FANCC: variants seen among roughly 807,000 people sequenced by gnomAD.
FANCC encodes the protein FA complementation group C.
FANCC carries 55 observed loss-of-function variants against 71.3 expected under a neutral mutation model. The observed-to-expected ratio is 0.77, with a 90% confidence interval of 0.62 to 0.97. The LOEUF is 0.97. Among genes scored for constraint, FANCC ranks in the 50% least tolerant of loss-of-function variants. FANCC has a pLI of 0.00. For synonymous variants in FANCC, 275 were observed against 244.9 expected (o/e 1.12, Z -1.15); for missense variants, 678 against 670.9 (o/e 1.01, Z -0.12).
intron 1 of FANCC, among the ~76,000 whole-genome samples, chr9:95,310,238 A>G (rs1386552224): frequency 6.6e-6 from 1 of 152,114 alleles, no homozygotes; most frequent in Non-Finnish European, 1.5e-5. Flanking sequence ...ATTGTGGTGC[A>G]TACCTGTAGT....
intron 7 of FANCC, among the ~76,000 whole-genome samples, chr9:95,140,662 G>A (rs2135276722): frequency 6.6e-6 from 1 of 152,262 alleles, no homozygotes; most frequent in Non-Finnish European, 1.5e-5. Context: ...AAACCAGAAA[G>A]AGATCAAGGC....
chr9:95,170,679 T>TGTGTGTGTGTGTGG (rs1554842441), intron 6 of FANCC, among the ~76,000 whole-genome samples: 1 of 144,656 alleles, frequency 6.9e-6, no homozygotes, highest in Non-Finnish European at 1.5e-5. Flanking sequence ...TGTGTGTGTG[T>TGTGTGTGTGTGTGG]TGGGAGCAGA....
At chr9:95,309,105 TTC>T (rs1356586258) in intron 1 of FANCC, among the ~76,000 whole-genome samples, 19 of 152,348 alleles carry the variant, frequency 1.2e-4, no homozygotes, top group East Asian at 5.8e-4. Context: ...ATAAAAATAT[TTC>T]TGTTACTCCT....
At chr9:95,184,642 G>C (rs1473524010) in intron 4 of FANCC, among the ~76,000 whole-genome samples, 1 of 152,186 alleles carries the variant, frequency 6.6e-6, no homozygotes, top group Non-Finnish European at 1.5e-5. Context: ...TGCAGTACCA[G>C]TAACAATTCC....
In FANCC at chr9:95,172,470, T is replaced by C. The variant is rs56292922; in HGVS notation, c.346-323A>G. Among the ~76,000 whole-genome samples the C allele has an allele frequency of 6.3e-3, 955 of 152,314 alleles. 8 individuals are homozygous for C. The highest frequency in any genetic ancestry group is 0.021 in the African/African-American group (893 of 41,572). ...AGTAAAATATGTTTAACAGAGATGA[T>C]AATTTTTCTTTGCTTTTTTTTTGAG... On this transcript the variant is annotated intron_variant, in intron 4 of 14. Transcript: ENST00000289081.
chr9:95,275,680 C>T (rs922518203), intron 1 of FANCC, among the ~76,000 whole-genome samples: 1 of 152,060 alleles, frequency 6.6e-6, no homozygotes, highest in East Asian at 1.9e-4. Context: ...TTAAAATCAA[C>T]GACAACTACA....
At position 95,306,171 on chromosome 9, in the gene FANCC, C is replaced by T. The variant is rs531260472; in HGVS notation, c.-79+11355G>A. Among the ~76,000 whole-genome samples, 8 of 152,244 alleles carry T rather than the reference C, an allele frequency of 5.3e-5. No individual in the cohort carries two copies. The South Asian group carries it at 1.7e-3, about 32-fold the overall frequency. ...ATTGTACAATAAATGCATCAAGGAC[C>T]TTCAGAAGTTTTATGGTATTGGTTA... On this transcript the variant is annotated intron_variant, in intron 1 of 14. Coordinates refer to ENST00000289081, the MANE Select transcript of FANCC (RefSeq NM_000136.3).
intron 4 of FANCC, among the ~76,000 whole-genome samples, chr9:95,238,408 CCTT>C (rs1194181131): frequency 2.6e-5 from 4 of 152,098 alleles, no homozygotes; most frequent in Non-Finnish European, 4.4e-5. Flanking sequence ...AATCGGGCCC[CCTT>C]CTCCATTTCT....
intron 4 of FANCC, among the ~76,000 whole-genome samples, chr9:95,237,914 G>A (rs1010728785): frequency 6.6e-6 from 1 of 152,174 alleles, no homozygotes; most frequent in Non-Finnish European, 1.5e-5. Context: ...TGAATTAGGT[G>A]AAATATCTTC....
chr9:95,300,958 G>A (rs893196787), intron 1 of FANCC, among the ~76,000 whole-genome samples: 1 of 152,126 alleles, frequency 6.6e-6, no homozygotes, highest in Non-Finnish European at 1.5e-5. Flanking sequence ...AAATAAGACA[G>A]GGGAGGATGA....
At chr9:95,308,751 G>T (rs956757178) in intron 1 of FANCC, among the ~76,000 whole-genome samples, 2 of 152,198 alleles carry the variant, frequency 1.3e-5, no homozygotes, top group African/African-American at 2.4e-5. Context: ...CAGCACACAC[G>T]TGTAGAACTA....
chr9:95,103,077 G>A (rs1339148563), intron 14 of FANCC, among the ~76,000 whole-genome samples: 1 of 152,122 alleles, frequency 6.6e-6, no homozygotes, highest in East Asian at 1.9e-4. Context: ...CCTTCATCAA[G>A]GAAACAATGT....
At chr9:95,299,170 G>A (rs1834573801) in intron 1 of FANCC, among the ~76,000 whole-genome samples, 1 of 152,166 alleles carries the variant, frequency 6.6e-6, no homozygotes, top group African/African-American at 2.4e-5. Flanking sequence ...GTGCAGAACC[G>A]AGGTCAATTA....
chr9:95,220,549 T>A (rs989254718), intron 4 of FANCC, among the ~76,000 whole-genome samples: 2 of 152,244 alleles, frequency 1.3e-5, no homozygotes, highest in African/African-American at 4.8e-5. Context: ...TACAAAAGGA[T>A]GTGTTCATGT....
At chr9:95,135,863 G>A (rs1301853361) in intron 7 of FANCC, among the ~76,000 whole-genome samples, 1 of 152,174 alleles carries the variant, frequency 6.6e-6, no homozygotes, top group Non-Finnish European at 1.5e-5. Context: ...TCAAACACGC[G>A]TAATCATGCC....
chr9:95,297,760 C>T (rs1834471762), intron 1 of FANCC, among the ~76,000 whole-genome samples: 1 of 152,126 alleles, frequency 6.6e-6, no homozygotes, highest in Admixed American at 6.5e-5. Flanking sequence ...GGAAGAGGGG[C>T]ACACAGATCT....
intron 1 of FANCC, among the ~76,000 whole-genome samples, chr9:95,251,740 T>C (rs941015957): frequency 1.3e-5 from 2 of 152,258 alleles, no homozygotes; most frequent in Admixed American, 6.5e-5. Flanking sequence ...TATACTTGCA[T>C]ACATTTACAC....
chr9:95,183,514 A>C (rs171417), intron 4 of FANCC, among the ~76,000 whole-genome samples: 29,093 of 152,264 alleles, frequency 0.19, 2,919 homozygotes, highest in East Asian at 0.3. Flanking sequence ...TTGTTATAGG[A>C]GAACACAACA....
chr9:95,184,942 T>G (rs1172804248), intron 4 of FANCC, among the ~76,000 whole-genome samples: 1 of 152,216 alleles, frequency 6.6e-6, no homozygotes, highest in East Asian at 1.9e-4. Context: ...TCTGTGCCTG[T>G]TAGTCTGAAG....
Sources: allele counts gnomAD v4.1 joint callset (sites outside exome capture counted in the v4.1 genomes callset), GRCh38; gene constraint gnomAD v4.1.1; transcripts MANE v1.5; gene names NCBI Gene and HGNC (gene_info 2026-07-23, HGNC 2026-07-21).